The following ZBP1 variants were observed in gnomAD, a reference collection of about 807,000 sequenced individuals.
ZBP1 encodes the protein Z-DNA-binding protein 1.
A neutral mutation model predicts 41.1 loss-of-function variants in ZBP1; 42 were observed. The observed-to-expected ratio is 1.02, with a 90% CI of 0.80 to 1.32. The LOEUF is 1.32. Ranked by LOEUF, ZBP1 falls within the 40% of genes most tolerant of loss-of-function variation. The pLI is 0.00. For missense variants in ZBP1, 562 were observed against 549.7 expected (o/e 1.02, Z -0.22); for synonymous variants, 214 against 205.2 (o/e 1.04, Z -0.37).
intron 4 of ZBP1, among the ~76,000 whole-genome samples, chr20:57,614,237 G>A (rs2070755876): frequency 6.6e-6 from 1 of 152,154 alleles, no homozygotes; most frequent in African/African-American, 2.4e-5. Context: ...GTTTCGCCAT[G>A]TTGGCCAGAC....
At chr20:57,612,884 C>T (rs578252386) in intron 5 of ZBP1, 4 of 1,320,298 alleles carry the variant, frequency 3.0e-6, no homozygotes, top group South Asian at 4.1e-5. Flanking sequence ...CACAGAGATA[C>T]CCCATCTTAA....
In ZBP1 at chr20:57,603,967, A is replaced by C. The variant is rs910060921; in HGVS notation, c.*606T>G. Reference sequence around the variant, plus strand: ...ACTGGAAGCTCCACCTCCCGGGTTCACACCATTCTCCTCCCTCAGCCTCCG... The same window carrying C: ...ACTGGAAGCTCCACCTCCCGGGTTCCCACCATTCTCCTCCCTCAGCCTCCG... On this transcript the variant is annotated 3_prime_UTR_variant, in exon 8 of 8. Transcript: ENST00000371173. This position sits in a 1 kb window ranked among gnomAD's most constrained non-coding sequence, Gnocchi z 4.6. 23 of 180,798 alleles carry C rather than the reference A, an allele frequency of 1.3e-4. No individual in the cohort carries two copies. Among genetic ancestry groups the C allele is most frequent in the Non-Finnish European group, 2.3e-4 (20 of 86,168 alleles). 11.2% of individuals were successfully genotyped at this position (180,798 alleles called of 1,614,324 possible).
intron 7 of ZBP1, among the ~76,000 whole-genome samples, chr20:57,608,687 A>C (rs1307480187): frequency 6.6e-6 from 1 of 152,224 alleles, no homozygotes. Context: ...CCCGTTCTGC[A>C]GGTGTCACAT....
intron 7 of ZBP1, among the ~76,000 whole-genome samples, chr20:57,607,908 A>C (rs2070537441): frequency 2.0e-5 from 3 of 152,190 alleles, no homozygotes; most frequent in Admixed American, 1.3e-4. Context: ...TGTGAATATA[A>C]CTTGTATATG....
chr20:57,615,227 C>G, intron 3 of ZBP1, 167 bp from the exon 4 acceptor site: 1 of 787,196 alleles, frequency 1.3e-6, no homozygotes, highest in Non-Finnish European at 2.0e-6. Context: ...GCAGAGGTGC[C>G]CTGAGGGTGG....
chr20:57,618,459 T>G (rs958400602), intron 1 of ZBP1, among the ~76,000 whole-genome samples: 1 of 151,656 alleles, frequency 6.6e-6, no homozygotes, highest in Non-Finnish European at 1.5e-5. Flanking sequence ...CGTGTGCAGG[T>G]GAAGACCAAT....
intron 7 of ZBP1, among the ~76,000 whole-genome samples, chr20:57,605,801 G>C (rs948156658): frequency 6.6e-6 from 1 of 152,116 alleles, no homozygotes; most frequent in Non-Finnish European, 1.5e-5. Context: ...AGGCGTGGTG[G>C]TGCAGGTCTG....
At chr20:57,619,625 G>C (rs950439232) in intron 1 of ZBP1, among the ~76,000 whole-genome samples, 1 of 152,152 alleles carries the variant, frequency 6.6e-6, no homozygotes, top group Non-Finnish European at 1.5e-5. Context: ...CGATATGACT[G>C]TGACATGGGT....
chr20:57,604,308 C>G lies in ZBP1; in HGVS notation c.*265G>C. ...AGAGAGTCCCCTGGGCCTGGGGGACCGAGCCCCACTCCCATCTACCCACCT... is the reference window on the plus strand; with the variant it reads ...AGAGAGTCCCCTGGGCCTGGGGGACGGAGCCCCACTCCCATCTACCCACCT... On this transcript the variant is annotated 3_prime_UTR_variant, in exon 8 of 8. Coordinates refer to ENST00000371173, the MANE Select transcript of ZBP1 (RefSeq NM_030776.3). The G allele has an allele frequency of 1.6e-6, 1 of 616,720 alleles. No individual in the cohort carries two copies. The highest frequency in any genetic ancestry group is 2.5e-4 in the Middle Eastern group (1 of 3,950). 38.2% of individuals were successfully genotyped at this position (616,720 alleles called of 1,614,324 possible).
intron 2 of ZBP1, 101 bp downstream of exon 2, chr20:57,616,143 T>C: frequency 1.9e-6 from 2 of 1,078,170 alleles, no homozygotes; most frequent in South Asian, 1.4e-5. Flanking sequence ...TGAGCTCCCA[T>C]GTGGCAGAGT....
chr20:57,614,052 G>T (rs951602010), intron 4 of ZBP1, among the ~76,000 whole-genome samples: 3 of 152,072 alleles, frequency 2.0e-5, no homozygotes, highest in African/African-American at 7.2e-5. Context: ...TATTTTTTGG[G>T]GGACAGAGTT....
At position 57,620,401 on chromosome 20, in the gene ZBP1, C is replaced by T. The variant is rs1040353575; in HGVS notation, c.-106G>A. On this transcript the variant is annotated 5_prime_UTR_variant, in exon 1 of 8. Coordinates refer to ENST00000371173, the MANE Select transcript of ZBP1 (RefSeq NM_030776.3). ...GTCGAGGCTGGGGCTTCTGAAGTGG[C>T]CGAGCCTGGTGCTTCTTGCAGCTCT... 10 of 1,291,254 alleles carry T rather than the reference C, an allele frequency of 7.7e-6. No homozygotes were observed. The highest frequency in any genetic ancestry group is 9.7e-6 in the Non-Finnish European group (9 of 932,410). 80.0% of individuals were successfully genotyped at this position (1,291,254 alleles called of 1,614,324 possible). A position where few individuals can be genotyped will look rare whatever the true frequency, so the allele number is the denominator to read the frequency against.
intron 5 of ZBP1, 71 bp from the exon 6 acceptor site, chr20:57,612,001 G>C (rs375848879): frequency 6.8e-7 from 1 of 1,464,454 alleles, no homozygotes; most frequent in African/African-American, 1.4e-5. Context: ...ACCACCACAC[G>C]CAGGCCTGTC....
chr20:57,605,512 T>C lies in ZBP1; in HGVS notation c.1094-743A>G, dbSNP rs185115564. On this transcript the variant is annotated intron_variant, in intron 7 of 7. Transcript: ENST00000371173. ...TGCCACAAATATCACCTGTAGAAGA[T>C]GACGAAGTTAATTAATAAATCTGTG... Among the ~76,000 whole-genome samples the C allele has an allele frequency of 1.0e-3, 153 of 152,352 alleles. 1 individual carries two copies. Among genetic ancestry groups the C allele is most frequent in the African/African-American group, 3.5e-3 (144 of 41,582 alleles).
In ZBP1 at chr20:57,611,872, C is replaced by T. The variant is rs201859378; in HGVS notation, c.729G>A (p.Gly243=). 14 of 1,581,610 alleles carry T rather than the reference C, an allele frequency of 8.9e-6. No homozygotes were observed. The East Asian group carries it at 2.8e-4, about 31-fold the overall frequency. Reference sequence around the variant, plus strand: ...GGGGCCCCCAGGGATCAACTAGGGTCCCCCAAGTTGAGGAATCACCTGGTG... The same window carrying T: ...GGGGCCCCCAGGGATCAACTAGGGTTCCCCAAGTTGAGGAATCACCTGGTG... ...SMAPGDSSTW[G]TLVDPWGPQD... The change falls in exon 6 of 8, where the codon GGG becomes GGA. Residue 243 remains glycine (G), a synonymous_variant. Transcript: ENST00000371173.
Position 57,620,354 on chromosome 20 carries a change from T to C in ZBP1, c.-59A>G. 1.3e-6 allele frequency: 2 copies of C among 1,551,992 alleles called. No homozygotes were observed. The highest frequency in any genetic ancestry group is 1.7e-6 in the Non-Finnish European group (2 of 1,146,266). On this transcript the variant is annotated 5_prime_UTR_variant, in exon 1 of 8. Transcript: ENST00000371173. ...GGCAGGTGTGCAGGCTTCTGCACTG[T>C]GGCCCTGAGAGGGTGGGCTAGGTCG...
rs1442112984 is a variant in ZBP1 at position 57,604,515 on chromosome 20, G to GTC, written c.*56_*57dup. 1 of 1,586,966 alleles carries GTC rather than the reference G, an allele frequency of 6.3e-7. No homozygotes were observed. Among genetic ancestry groups the GTC allele is most frequent in the African/African-American group, 1.3e-5 (1 of 74,364 alleles). ...AAGGAATGCAGAGAGCAGCAGGCTA[G>GTC]TCTCCCTAGCATGCGCCCACCCCCA... On this transcript the variant is annotated 3_prime_UTR_variant, in exon 8 of 8. Transcript: ENST00000371173.
At position 57,614,672 on chromosome 20, in the gene ZBP1, C is replaced by T. The variant is rs139264617; in HGVS notation, c.502+215G>A. Among the ~76,000 whole-genome samples the T allele has an allele frequency of 4.8e-3, 729 of 152,354 alleles. 6 individuals are homozygous for T. Among genetic ancestry groups the T allele is most frequent in the African/African-American group, 0.017 (700 of 41,578 alleles). ...CGTCCCATTCACTGGCCTTCTGCAA[C>T]TGCAGACCTTGGGCCACGCCTCCAA... On this transcript the variant is annotated intron_variant, in intron 4 of 7. Transcript: ENST00000371173.
Position 57,611,907 on chromosome 20 carries a change from G to C in ZBP1, c.694C>G (p.Pro232Ala), listed in dbSNP as rs971001698. 1.9e-6 allele frequency: 3 copies of C among 1,565,066 alleles called. No individual in the cohort carries two copies. In the African/African-American group the frequency reaches 4.1e-5, roughly 21 times the overall value. ...GAGGAATCACCTGGTGCCATTGAAG[G>C]GAGGTGGCGTGGACCGGCGGAACCT... The part of the protein sequence containing the change: ...EDGSAGPRHL[P>A]SMAPGDSSTW... Residue 232 changes from proline to alanine, a missense_variant, in exon 6 of 8, where the codon CCT (proline) becomes GCT (alanine). Transcript: ENST00000371173.
Sources: gnomAD v4.1 joint callset for allele counts (sites outside exome capture counted in the v4.1 genomes callset) on GRCh38, gnomAD v4.1.1 for gene constraint, Gnocchi (gnomAD v3.1) non-coding constraint, MANE v1.5 for transcripts, NCBI Gene and HGNC (gene_info 2026-07-23, HGNC 2026-07-21) for gene names.